Variants in NBPF3 observed in about 807,000 individuals in gnomAD.
NBPF3 encodes NBPF family member NBPF3.
In NBPF3, 57 loss-of-function variants were observed where a neutral mutation model predicts 78.1. That is an observed-to-expected ratio of 0.73 (90% confidence interval 0.59 to 0.91). NBPF3 has a LOEUF of 0.91. Ranked by LOEUF, NBPF3 falls within the 40% of genes least tolerant of loss-of-function variation. The pLI is 0.00. For missense variants in NBPF3, 510 were observed against 715.3 expected, an observed-to-expected ratio of 0.71 and a Z score of 3.27; for synonymous variants, 182 against 271.7, an observed-to-expected ratio of 0.67 and a Z score of 3.25.
rs566073657 is a variant in NBPF3 at position 21,455,184 on chromosome 1, G to A, written c.133+9965G>A. Among the ~76,000 whole-genome samples the A allele has an allele frequency of 4.7e-3, 714 of 152,332 alleles. 1 individual carries two copies. Among genetic ancestry groups the A allele is most frequent in the Non-Finnish European group, 6.2e-3 (419 of 68,038 alleles). On this transcript the variant is annotated intron_variant, in intron 2 of 14. Transcript: ENST00000318249. Reference sequence around the variant, plus strand: ...CCAGGAAGTCCTCAGTCCCTCCAAGGAACTCACCTTCACTAGGTCAAGCTC... The same window carrying A: ...CCAGGAAGTCCTCAGTCCCTCCAAGAAACTCACCTTCACTAGGTCAAGCTC...
At chr1:21,457,975 T>A (rs1275280993) in intron 2 of NBPF3, among the ~76,000 whole-genome samples, 1 of 152,226 alleles carries the variant, frequency 6.6e-6, no homozygotes, top group Non-Finnish European at 1.5e-5. Flanking sequence ...TTATATACCT[T>A]CTAAGCTATA....
intron 5 of NBPF3, 88 bp downstream of exon 5, chr1:21,471,871 G>A (rs956271234): frequency 2.7e-5 from 42 of 1,542,548 alleles, no homozygotes; most frequent in Middle Eastern, 4.6e-4. Flanking sequence ...CATTTGTATC[G>A]GTGGTGTTTT....
chr1:21,458,055 C>T (rs1641731615), intron 2 of NBPF3, among the ~76,000 whole-genome samples: 1 of 152,216 alleles, frequency 6.6e-6, no homozygotes, highest in Non-Finnish European at 1.5e-5. Flanking sequence ...TAACTAAGGT[C>T]TGAGTCCTGA....
At chr1:21,438,215 C>T (rs146944817), upstream of NBPF3, among the ~76,000 whole-genome samples, 1 of 151,814 alleles carries the variant, frequency 6.6e-6, no homozygotes, top group African/African-American at 2.4e-5. Context: ...TGGGTTCAAG[C>T]AATTCTCCTG....
intron 2 of NBPF3, among the ~76,000 whole-genome samples, chr1:21,456,667 AAAC>A (rs1307113802): frequency 6.6e-6 from 1 of 152,188 alleles, no homozygotes. Context: ...TGATTTATAA[AAAC>A]AAACCCCAGA....
chr1:21,463,631 A>G (rs6426700), intron 2 of NBPF3, among the ~76,000 whole-genome samples: 5 of 152,244 alleles, frequency 3.3e-5, no homozygotes, highest in Admixed American at 6.5e-5. Context: ...TAAAAAACTT[A>G]TATGCTTCAA....
intron 9 of NBPF3, 73 bp downstream of exon 9, chr1:21,478,380 G>C (rs980712499): frequency 1.3e-6 from 2 of 1,528,230 alleles, no homozygotes; most frequent in African/African-American, 2.7e-5. Context: ...TTTGGGCCTT[G>C]TGACCCTGGT....
Position 21,476,430 on chromosome 1 carries a change from A to G in NBPF3, c.992+1479A>G, listed in dbSNP as rs1375892657. 6.6e-6 allele frequency among the ~76,000 whole-genome samples: 1 copy of G among 152,130 alleles called. No individual in the cohort carries two copies. Among genetic ancestry groups the G allele is most frequent in the Admixed American group, 6.5e-5 (1 of 15,276 alleles). ...TGGCTGGTACTGGTTGTTCCTTTCC[A>G]TGTTTAGTGCTTCCTTCAGGAGCTC... On this transcript the variant is annotated intron_variant, in intron 8 of 14. Transcript: ENST00000318249. This position sits in a 1 kb window ranked among gnomAD's most constrained non-coding sequence, Gnocchi z 4.1.
In NBPF3 at chr1:21,471,553, T is replaced by C; in HGVS notation, c.447-16T>C. ...TCCCTTTCCACTGTTAAATTTTCTC[T>C]ACTATCTCACCTTAGGCAATATAAA... On this transcript the variant is annotated splice_polypyrimidine_tract_variant and intron_variant, in intron 4 of 14. Coordinates refer to ENST00000318249, the MANE Select transcript of NBPF3 (RefSeq NM_032264.6). The C allele has an allele frequency of 6.2e-7, 1 of 1,611,912 alleles. No individual in the cohort carries two copies. The highest frequency in any genetic ancestry group is 1.1e-5 in the South Asian group (1 of 90,988).
At chr1:21,479,995 G>A (rs776077497) in intron 10 of NBPF3, 56 bp from the exon 11 acceptor site, 281 of 852,310 alleles carry the variant, frequency 3.3e-4, no homozygotes, top group Non-Finnish European at 4.8e-4. Context: ...ATCTAGCTGG[G>A]GCTGTGTGGT....
chr1:21,464,775 A>G (rs1409762053), intron 2 of NBPF3, among the ~76,000 whole-genome samples: 2 of 152,098 alleles, frequency 1.3e-5, no homozygotes, highest in Non-Finnish European at 2.9e-5. Flanking sequence ...TTGGAGAACT[A>G]GGTGGAAGGA....
intron 1 of NBPF3, chr1:21,442,446 G>A (rs1008711547): frequency 3.3e-5 from 5 of 152,130 alleles, no homozygotes; most frequent in African/African-American, 1.2e-4. Flanking sequence ...GAATTCCTAG[G>A]CTCAAGTGAT....
At chr1:21,448,854 T>C (rs998989517) in intron 2 of NBPF3, among the ~76,000 whole-genome samples, 7 of 152,206 alleles carry the variant, frequency 4.6e-5, no homozygotes, top group Non-Finnish European at 7.3e-5. Context: ...AATTCTCTGG[T>C]CCACCCTAGA....
rs1558507359 is a variant in NBPF3, at chr1:21,479,355, GGT to G, written c.1167_1168del (p.Cys389Ter). ...TGTCTGAATTTATTTGCAGGACATT[GGT>G]GTGATCAAGTGAAAAAGGAGGACCA... On this transcript the variant is annotated frameshift_variant, in exon 10 of 15. Transcript: ENST00000318249. LOFTEE classifies it high-confidence loss of function. The G allele has an allele frequency of 6.2e-7, 1 of 1,611,198 alleles. No individual in the cohort carries two copies. Among genetic ancestry groups the G allele is most frequent in the Admixed American group, 1.7e-5 (1 of 59,978 alleles).
Position 21,479,978 on chromosome 1 carries a change from C to A in NBPF3, c.1209-73C>A, listed in dbSNP as rs886244203. The stretch of plus-strand genomic sequence containing the variant: ...CTTTTCAAACAGTTCCTTATGTTAC[C>A]CATGAAATCTAGCTGGGGCTGTGTG... On this transcript the variant is annotated intron_variant, in intron 10 of 14. Transcript: ENST00000318249. 12 of 813,236 alleles carry A rather than the reference C, an allele frequency of 1.5e-5. No individual in the cohort carries two copies. The Admixed American group carries it at 1.7e-4, about 12-fold the overall frequency. The allele number at this position is 813,236 out of a possible 1,614,324, so 50.4% of individuals were successfully genotyped here.
chr1:21,479,999 G>A (rs1321103196), intron 10 of NBPF3, 52 bp from the exon 11 acceptor site: 2 of 875,114 alleles, frequency 2.3e-6, no homozygotes, highest in East Asian at 2.4e-5. Flanking sequence ...AGCTGGGGCT[G>A]TGTGGTTTCT....
intron 10 of NBPF3, among the ~76,000 whole-genome samples, chr1:21,479,848 G>GTGTA (rs1553398401): frequency 2.6e-4 from 32 of 121,896 alleles, no homozygotes; most frequent in East Asian, 5.1e-4. Flanking sequence ...GTGTGTGTGT[G>GTGTA]TGTGTATGTG....
chr1:21,473,579 A>G lies in NBPF3; in HGVS notation c.934A>G (p.Ile312Val), dbSNP rs1484078644. ...TGAATGGTTGGATGCTGTATGCATT[A>G]TCCCAGGTAGCCTCTATTTTCCTGT... is the stretch of plus-strand genomic sequence containing the variant. The part of the protein sequence containing the change: ...HDEWLDAVCI[I>V]PENESDHEQE... The change falls in exon 7 of 15, where the codon ATC becomes GTC. Residue 312 changes from isoleucine (I) to valine (V), a missense_variant. This residue lies in a region of NBPF3 where 440 missense variants were observed against 478.2 expected (regional missense o/e 0.92). Transcript: ENST00000318249. 3 of 1,613,684 alleles carry G rather than the reference A, an allele frequency of 1.9e-6. No individual in the cohort carries two copies. Among genetic ancestry groups the G allele is most frequent in the Non-Finnish European group, 1.7e-6 (2 of 1,179,660 alleles).
chr1:21,483,086 G>T (rs916007759), intron 14 of NBPF3, 57 bp from the exon 15 acceptor site: 2 of 1,609,138 alleles, frequency 1.2e-6, no homozygotes, highest in African/African-American at 2.7e-5. Flanking sequence ...ATCTAGTTGG[G>T]GCTCTGTGGT....
Sources: allele counts gnomAD v4.1 joint callset (sites outside exome capture counted in the v4.1 genomes callset), GRCh38; gene constraint gnomAD v4.1.1; regional missense constraint gnomAD v4.1.1; non-coding constraint Gnocchi (gnomAD v3.1); transcripts MANE v1.5; gene names NCBI Gene and HGNC (gene_info 2026-07-23, HGNC 2026-07-21).